Variants in PDE12 observed in about 807,000 individuals in gnomAD.
PDE12 encodes 2',5'-phosphodiesterase 12.
PDE12 carries 26 observed loss-of-function variants against 45.4 expected under a neutral mutation model. The observed-to-expected ratio is 0.57, with a 90% CI of 0.42 to 0.79. The LOEUF (loss-of-function observed/expected upper bound fraction) is 0.79, where lower values mean the gene tolerates loss of function less well. PDE12 is among the 30% of genes least tolerant of loss of function. PDE12 has a pLI of 0.00. For synonymous variants in PDE12, 283 were observed against 323.9 expected, an observed-to-expected ratio of 0.87 and a Z score of 1.36; for missense variants, 668 against 790.0, an observed-to-expected ratio of 0.85 and a Z score of 1.85.
At chr3:57,645,851 A>C in the PDE12 span, 1 of 789,486 alleles carries the variant, frequency 1.3e-6, no homozygotes, top group Non-Finnish European at 2.0e-6. Context: ...TATACACACA[A>C]AGGGATACTT....
At chr3:57,570,219 GTTTTTTTTTTT>G (rs34599005), downstream of PDE12, among the ~76,000 whole-genome samples, 51 of 102,318 alleles carry the variant, frequency 5.0e-4, no homozygotes, top group African/African-American at 2.0e-3. Flanking sequence ...TTAATCCAGT[GTTTTTTTTTTT>G]TTTTTTTTTG....
chr3:57,581,206 A>G, the PDE12 span, among the ~76,000 whole-genome samples: 5 of 152,192 alleles, frequency 3.3e-5, no homozygotes, highest in African/African-American at 1.2e-4. Flanking sequence ...GTTTCTTTTA[A>G]ATTTTATAGC....
At chr3:57,619,001 T>C in the PDE12 span, among the ~76,000 whole-genome samples, 2 of 152,204 alleles carry the variant, frequency 1.3e-5, no homozygotes, top group South Asian at 4.1e-4. Flanking sequence ...ATAAATACAT[T>C]TAACAAATTA....
the PDE12 span, chr3:57,633,387 T>G: frequency 1.3e-6 from 2 of 1,535,834 alleles, no homozygotes; most frequent in Non-Finnish European, 1.8e-6. Context: ...ATCTGTATTC[T>G]AGTGTTGGAA....
chr3:57,565,856 T>C lies in PDE12; in HGVS notation c.*5852T>C, dbSNP rs2069782085. 6.6e-6 allele frequency: 1 copy of C among 152,198 alleles called. No individual in the cohort carries two copies. Among genetic ancestry groups the C allele is most frequent in the South Asian group, 2.1e-4 (1 of 4,824 alleles). 9.4% of individuals were successfully genotyped at this position (152,198 alleles called of 1,614,324 possible). A position where few individuals can be genotyped will look rare whatever the true frequency, so the allele number is the denominator to read the frequency against. ...AAGGATTTATTGCATATAATTCTTA[T>C]ATCCCCTGTGGAATAGTTTGGAGAA... is the stretch of plus-strand genomic sequence containing the variant. On this transcript the variant is annotated 3_prime_UTR_variant, in exon 3 of 3. Transcript: ENST00000311180.
At position 57,559,545 on chromosome 3, in the gene PDE12, G is replaced by C; in HGVS notation, c.1388-17G>C. 1 of 1,579,098 alleles carries C rather than the reference G, an allele frequency of 6.3e-7. No individual in the cohort carries two copies. ...AACTTTAAAAAATACTTACATTAAT[G>C]TTTTTTATATTCATAGGTGGGTATA... On this transcript the variant is annotated splice_polypyrimidine_tract_variant and intron_variant, in intron 2 of 2. Transcript: ENST00000311180.
the PDE12 span, among the ~76,000 whole-genome samples, chr3:57,624,154 CT>C: frequency 1.9e-3 from 277 of 144,056 alleles, no homozygotes; most frequent in Non-Finnish European, 1.9e-3. Flanking sequence ...TGTCTGACTA[CT>C]TTTTTTTTTT....
At position 57,556,334 on chromosome 3, in the gene PDE12, C is replaced by A. The variant is rs180870423; in HGVS notation, c.-46C>A. 10 of 1,504,914 alleles carry A rather than the reference C, an allele frequency of 6.6e-6. No homozygotes were observed. Among genetic ancestry groups the A allele is most frequent in the Non-Finnish European group, 8.0e-6 (9 of 1,124,940 alleles). The allele number at this position is 1,504,914 out of a possible 1,614,324, so 93.2% of individuals were successfully genotyped here. On this transcript the variant is annotated 5_prime_UTR_variant, in exon 1 of 3. Coordinates refer to ENST00000311180, the MANE Select transcript of PDE12 (RefSeq NM_177966.7). The surrounding 1 kb of genome is among the most constrained non-coding windows in gnomAD (Gnocchi z 5.0). ...CTCCTCAGCTCCACCTGACAGTAGG[C>A]CGCTGATCGGCCGCGGGTCTTGTCG...
At chr3:57,580,415 A>G in the PDE12 span, among the ~76,000 whole-genome samples, 1 of 151,834 alleles carries the variant, frequency 6.6e-6, no homozygotes, top group African/African-American at 2.4e-5. Context: ...CTTTTTTTCA[A>G]AAAAGAGGCA....
chr3:57,591,135 G>A, the PDE12 span, among the ~76,000 whole-genome samples: 1 of 152,128 alleles, frequency 6.6e-6, no homozygotes, highest in Non-Finnish European at 1.5e-5. Flanking sequence ...GGATGTAAAC[G>A]AGGATGTAAA....
the PDE12 span, chr3:57,600,644 G>A: frequency 6.6e-6 from 1 of 151,550 alleles, no homozygotes; most frequent in Non-Finnish European, 1.5e-5. Flanking sequence ...CTGAGCTCAG[G>A]CGATCTACTC....
the PDE12 span, among the ~76,000 whole-genome samples, chr3:57,579,425 T>C: frequency 4.0e-5 from 6 of 151,818 alleles, no homozygotes; most frequent in African/African-American, 1.5e-4. Flanking sequence ...GTAGCTGAGA[T>C]TACAGGCGCC....
At chr3:57,625,989 C>A in the PDE12 span, 10 of 152,570 alleles carry the variant, frequency 6.6e-5, no homozygotes, top group Non-Finnish European at 1.3e-4. Flanking sequence ...TTAAAATATA[C>A]CTTTTTGAAA....
chr3:57,648,172 C>T, the PDE12 span, among the ~76,000 whole-genome samples: 2 of 152,220 alleles, frequency 1.3e-5, no homozygotes, highest in East Asian at 3.9e-4. Flanking sequence ...TTTCCGAATA[C>T]AAAATTAATG....
chr3:57,584,105 CTTT>C, the PDE12 span: 2 of 849,466 alleles, frequency 2.4e-6, no homozygotes, highest in Non-Finnish European at 3.7e-6. Context: ...TAAAGTACTT[CTTT>C]TTATTTTTAA....
chr3:57,633,718 G>A, the PDE12 span, among the ~76,000 whole-genome samples: 4 of 151,976 alleles, frequency 2.6e-5, no homozygotes, highest in Admixed American at 1.3e-4. Context: ...GTGAAACCCC[G>A]TCTCTACTAA....
the PDE12 span, among the ~76,000 whole-genome samples, chr3:57,593,375 G>T: frequency 4.6e-5 from 7 of 152,042 alleles, no homozygotes; most frequent in African/African-American, 1.7e-4. Flanking sequence ...TACATAAATA[G>T]ATGGATTTAC....
At chr3:57,619,284 G>T in the PDE12 span, among the ~76,000 whole-genome samples, 1 of 152,038 alleles carries the variant, frequency 6.6e-6, no homozygotes, top group African/African-American at 2.4e-5. Context: ...GGAGGCGGAG[G>T]TTGCAGTGAG....
At chr3:57,642,965 C>T in the PDE12 span, among the ~76,000 whole-genome samples, 7 of 143,978 alleles carry the variant, frequency 4.9e-5, no homozygotes, top group Admixed American at 5.0e-4. Flanking sequence ...AAGATCGCGC[C>T]ATCACACTCC....
Sources: gnomAD v4.1 joint callset for allele counts (sites outside exome capture counted in the v4.1 genomes callset) on GRCh38, gnomAD v4.1.1 for gene constraint, Gnocchi (gnomAD v3.1) non-coding constraint, MANE v1.5 for transcripts, NCBI Gene and HGNC (gene_info 2026-07-23, HGNC 2026-07-21) for gene names.